PKNOX2: variants seen among roughly 807,000 people sequenced by gnomAD.
PKNOX2 encodes homeobox protein PKNOX2.
PKNOX2 carries 14 observed loss-of-function variants against 53.1 expected under a neutral mutation model. The observed-to-expected ratio is 0.26, with a 90% CI of 0.17 to 0.41. PKNOX2 has a LOEUF of 0.41. Ranked by LOEUF, PKNOX2 falls within the 10% of genes least tolerant of loss-of-function variation. The pLI is 1.00. For missense variants in PKNOX2, 496 were observed against 602.8 expected (o/e 0.82, Z 1.85); for synonymous variants, 257 against 242.8 (o/e 1.06, Z -0.54).
At chr11:125,226,201 C>A (rs189131347) in intron 1 of PKNOX2, among the ~76,000 whole-genome samples, 201 of 152,208 alleles carry the variant, frequency 1.3e-3, no homozygotes, top group African/African-American at 4.4e-3. Flanking sequence ...TTTATTTGAC[C>A]CCTCCAAAGA....
chr11:125,222,938 G>A (rs555951654), intron 1 of PKNOX2, among the ~76,000 whole-genome samples: 1 of 152,278 alleles, frequency 6.6e-6, no homozygotes, highest in East Asian at 1.9e-4. Flanking sequence ...AGGAGTGAAT[G>A]CAAGCAGCTT....
At chr11:125,355,587 AGTGC>A (rs748615545) in intron 4 of PKNOX2, among the ~76,000 whole-genome samples, 6 of 152,190 alleles carry the variant, frequency 3.9e-5, no homozygotes, top group Non-Finnish European at 8.8e-5. Context: ...GCCTCAGTTC[AGTGC>A]GTTGTGTTGA....
intron 2 of PKNOX2, among the ~76,000 whole-genome samples, chr11:125,249,022 T>C (rs1943798386): frequency 8.1e-6 from 1 of 123,266 alleles, no homozygotes; most frequent in East Asian, 2.1e-4. Flanking sequence ...ATATAACTTA[T>C]ATAATATAGT....
At chr11:125,367,121 A>G (rs111334327) in intron 4 of PKNOX2, among the ~76,000 whole-genome samples, 2,950 of 152,322 alleles carry the variant, frequency 0.019, 99 homozygotes, top group African/African-American at 0.067. Context: ...AAAAATGTAA[A>G]CCATTGAACC....
intron 5 of PKNOX2, among the ~76,000 whole-genome samples, chr11:125,381,851 A>G (rs1271163055): frequency 4.6e-5 from 7 of 152,146 alleles, no homozygotes; most frequent in Non-Finnish European, 1.0e-4. Flanking sequence ...CCAGTCCCTT[A>G]GCTCCTTGCG....
chr11:125,199,353 C>T (rs1938166616), intron 1 of PKNOX2, among the ~76,000 whole-genome samples: 1 of 152,206 alleles, frequency 6.6e-6, no homozygotes, highest in African/African-American at 2.4e-5. Flanking sequence ...CTTCTTGTGG[C>T]AAAACATTCC....
chr11:125,382,848 T>C (rs889191102), intron 5 of PKNOX2, among the ~76,000 whole-genome samples: 1 of 152,244 alleles, frequency 6.6e-6, no homozygotes, highest in Non-Finnish European at 1.5e-5. Context: ...TAACGCATTG[T>C]TTTCCCTACC....
chr11:125,265,516 T>C lies in PKNOX2; in HGVS notation c.-130+30401T>C, dbSNP rs535779673. 2.3e-3 allele frequency among the ~76,000 whole-genome samples: 347 copies of C among 152,308 alleles called. 1 individual carries two copies. The highest frequency in any genetic ancestry group is 9.3e-3 in the South Asian group (45 of 4,824). On this transcript the variant is annotated intron_variant, in intron 2 of 12. Transcript: ENST00000298282. ...CACACCTGACCCACTCCTCCTTCAG[T>C]GGACGCATCCCTGACACTGTTCTCT...
intron 3 of PKNOX2, among the ~76,000 whole-genome samples, chr11:125,343,830 C>T (rs1326228731): frequency 6.6e-6 from 1 of 151,994 alleles, no homozygotes; most frequent in East Asian, 1.9e-4. Flanking sequence ...CTCTCCTGCT[C>T]CGTGTTGTGA....
rs563038065 is a variant in PKNOX2 at position 125,289,004 on chromosome 11, G to A, written c.-129-42815G>A. Among the ~76,000 whole-genome samples the A allele has an allele frequency of 7.2e-5, 11 of 152,334 alleles. No homozygotes were observed. In the South Asian group the frequency reaches 1.7e-3, roughly 23 times the overall value. On this transcript the variant is annotated intron_variant, in intron 2 of 12. Coordinates refer to ENST00000298282, the MANE Select transcript of PKNOX2 (RefSeq NM_001382323.2). The stretch of plus-strand genomic sequence containing the variant: ...AAGGGGACCATGTCTTATGTATCTT[G>A]CACATAACATGTAACAACATAGCAC...
intron 3 of PKNOX2, among the ~76,000 whole-genome samples, chr11:125,339,574 C>T (rs1312729423): frequency 6.6e-6 from 1 of 152,142 alleles, no homozygotes; most frequent in East Asian, 1.9e-4. Flanking sequence ...AAGTGGAGAC[C>T]GTCACAGAGA....
chr11:125,379,055 C>T (rs1278719372), intron 5 of PKNOX2, among the ~76,000 whole-genome samples: 5 of 124,442 alleles, frequency 4.0e-5, no homozygotes, highest in East Asian at 2.4e-4. Flanking sequence ...TTTTCTTTCT[C>T]TTTTTTTTTT....
chr11:125,324,427 C>A (rs1409026818), intron 2 of PKNOX2, among the ~76,000 whole-genome samples: 2 of 152,166 alleles, frequency 1.3e-5, no homozygotes, highest in Non-Finnish European at 2.9e-5. Flanking sequence ...GTATTTACTC[C>A]TTTATCCAGC....
intron 10 of PKNOX2, among the ~76,000 whole-genome samples, chr11:125,415,735 G>A (rs912687504): frequency 6.6e-5 from 10 of 152,096 alleles, no homozygotes; most frequent in Non-Finnish European, 1.2e-4. Context: ...AAAGAAGAGC[G>A]GAAAGGGTAT....
chr11:125,362,445 T>G (rs1461876087), intron 4 of PKNOX2, among the ~76,000 whole-genome samples: 1 of 152,154 alleles, frequency 6.6e-6, no homozygotes, highest in African/African-American at 2.4e-5. Flanking sequence ...ACGACCATAG[T>G]TCACAGCAGC....
At chr11:125,184,567 T>C (rs1013962863) in intron 1 of PKNOX2, among the ~76,000 whole-genome samples, 9 of 152,196 alleles carry the variant, frequency 5.9e-5, no homozygotes, top group Non-Finnish European at 1.2e-4. Flanking sequence ...GGTGGGGCAT[T>C]GAGCCCACCA....
chr11:125,427,452 G>A (rs562401150), intron 10 of PKNOX2, among the ~76,000 whole-genome samples: 5 of 152,312 alleles, frequency 3.3e-5, no homozygotes, highest in African/African-American at 9.6e-5. Flanking sequence ...CACCGATAAT[G>A]CGAGTACCAC....
intron 2 of PKNOX2, among the ~76,000 whole-genome samples, chr11:125,289,170 G>A (rs1015928011): frequency 4.6e-5 from 7 of 152,172 alleles, no homozygotes; most frequent in African/African-American, 1.7e-4. Context: ...TAGCAGACCG[G>A]GGCCCTGCTG....
intron 5 of PKNOX2, among the ~76,000 whole-genome samples, chr11:125,369,646 T>A (rs1952414957): frequency 6.6e-6 from 1 of 152,018 alleles, no homozygotes; most frequent in Admixed American, 6.5e-5. Context: ...AAAGGTTGAG[T>A]AACAGACCCC....
Sources: gnomAD v4.1 joint callset for allele counts (sites outside exome capture counted in the v4.1 genomes callset) on GRCh38, gnomAD v4.1.1 for gene constraint, MANE v1.5 for transcripts, NCBI Gene and HGNC (gene_info 2026-07-23, HGNC 2026-07-21) for gene names.